The following SLC35D4 variants were observed in gnomAD, a reference collection of about 807,000 sequenced individuals.
SLC35D4 encodes the protein UDP-N-acetylglucosamine transporter SLC35D4.
the SLC35D4 span, among the ~76,000 whole-genome samples, chr18:23,242,266 GAAACTCTGTCTCA>G: frequency 1.3e-5 from 2 of 152,188 alleles, no homozygotes; most frequent in East Asian, 1.9e-4. Context: ...TGACGAGAAT[GAAACTCTGTCTCA>G]AAAAAAAAAT....
At chr18:23,324,032 G>A in the SLC35D4 span, among the ~76,000 whole-genome samples, 2 of 149,736 alleles carry the variant, frequency 1.3e-5, no homozygotes, top group Non-Finnish European at 3.0e-5. Context: ...GCAGTGAACC[G>A]AGATCACACC....
chr18:23,314,291 A>G, the SLC35D4 span, among the ~76,000 whole-genome samples: 1 of 152,224 alleles, frequency 6.6e-6, no homozygotes, highest in Non-Finnish European at 1.5e-5. Flanking sequence ...CTCCACAGTT[A>G]ATCAGTGGAT....
the SLC35D4 span, among the ~76,000 whole-genome samples, chr18:23,268,235 AT>A: frequency 2.6e-5 from 4 of 152,214 alleles, no homozygotes; most frequent in African/African-American, 9.6e-5. Context: ...ACATTCCCAA[AT>A]TGAAACAGTT....
the SLC35D4 span, among the ~76,000 whole-genome samples, chr18:23,351,148 T>G: frequency 4.6e-5 from 7 of 152,210 alleles, no homozygotes; most frequent in Non-Finnish European, 8.8e-5. Context: ...GGCTCACACC[T>G]GTAATCCTAG....
At chr18:23,309,773 T>C in the SLC35D4 span, 3 of 1,605,916 alleles carry the variant, frequency 1.9e-6, no homozygotes, top group Non-Finnish European at 2.6e-6. Context: ...CACAAGGTCA[T>C]CATACCAGCA....
the SLC35D4 span, among the ~76,000 whole-genome samples, chr18:23,282,745 G>C: frequency 6.6e-6 from 1 of 152,146 alleles, no homozygotes; most frequent in Admixed American, 6.5e-5. Flanking sequence ...GGGAGGGCTG[G>C]TTTTGGAAGC....
chr18:23,261,361 C>A, the SLC35D4 span, among the ~76,000 whole-genome samples: 3 of 152,104 alleles, frequency 2.0e-5, no homozygotes, highest in South Asian at 6.2e-4. Context: ...GTGGGGCAGG[C>A]ACAGTGGCTC....
the SLC35D4 span, among the ~76,000 whole-genome samples, chr18:23,342,172 C>A: frequency 3.3e-5 from 5 of 152,184 alleles, no homozygotes; most frequent in Non-Finnish European, 1.5e-5. Context: ...ACCATCACCA[C>A]AATCCAGTTT....
chr18:23,291,112 C>T, the SLC35D4 span, among the ~76,000 whole-genome samples: 2 of 152,204 alleles, frequency 1.3e-5, no homozygotes, highest in East Asian at 1.9e-4. Context: ...TGGCTAAGGG[C>T]TGTGGGTCTT....
At chr18:23,430,742 A>G in the SLC35D4 span, 2 of 1,429,014 alleles carry the variant, frequency 1.4e-6, no homozygotes, top group Non-Finnish European at 2.0e-6. Context: ...CCATATAATC[A>G]AAGACATTTC....
chr18:23,378,260 T>C, the SLC35D4 span, among the ~76,000 whole-genome samples: 1 of 151,638 alleles, frequency 6.6e-6, no homozygotes, highest in Non-Finnish European at 1.5e-5. Context: ...TGGTATTGAA[T>C]TCCTGGCCTC....
chr18:23,398,660 A>C, the SLC35D4 span, among the ~76,000 whole-genome samples: 4 of 152,314 alleles, frequency 2.6e-5, no homozygotes, highest in African/African-American at 9.6e-5. Context: ...TACAGTCCTC[A>C]CTGCTATTTT....
the SLC35D4 span, among the ~76,000 whole-genome samples, chr18:23,342,338 G>A: frequency 2.0e-5 from 3 of 152,040 alleles, no homozygotes; most frequent in African/African-American, 7.2e-5. Flanking sequence ...TTTTGTGACT[G>A]GATTCTTTAG....
chr18:23,348,023 T>G, the SLC35D4 span, among the ~76,000 whole-genome samples: 1 of 152,220 alleles, frequency 6.6e-6, no homozygotes, highest in African/African-American at 2.4e-5. Context: ...ATCTATAAAT[T>G]TTGATATGTT....
chr18:23,308,876 C>CTCTCTCCCTG, the SLC35D4 span, among the ~76,000 whole-genome samples: 1 of 139,986 alleles, frequency 7.1e-6, no homozygotes, highest in Non-Finnish European at 1.5e-5. Flanking sequence ...CTCTCTCTCT[C>CTCTCTCCCTG]TGTGTGTGTG....
At chr18:23,354,580 G>A in the SLC35D4 span, among the ~76,000 whole-genome samples, 2 of 151,712 alleles carry the variant, frequency 1.3e-5, no homozygotes, top group Non-Finnish European at 2.9e-5. Context: ...GCTGAAAAGG[G>A]AGGCAGCAGT....
the SLC35D4 span, among the ~76,000 whole-genome samples, chr18:23,394,441 A>G: frequency 6.6e-6 from 1 of 152,336 alleles, no homozygotes; most frequent in East Asian, 1.9e-4. Context: ...AGTTCTCTAT[A>G]TAGCCTATAA....
chr18:23,408,374 T>C, the SLC35D4 span, among the ~76,000 whole-genome samples: 1 of 152,210 alleles, frequency 6.6e-6, no homozygotes, highest in Non-Finnish European at 1.5e-5. Flanking sequence ...CACTCAAATA[T>C]TTGCAGAATG....
chr18:23,240,643 A>G, the SLC35D4 span, among the ~76,000 whole-genome samples: 1 of 152,210 alleles, frequency 6.6e-6, no homozygotes, highest in Admixed American at 6.5e-5. Flanking sequence ...TCACAGGCCA[A>G]TTATGCAGAG....
Sources: gnomAD v4.1 joint callset for allele counts (sites outside exome capture counted in the v4.1 genomes callset) on GRCh38, gnomAD v4.1.1 for gene constraint, MANE v1.5 for transcripts, NCBI Gene and HGNC (gene_info 2026-07-23, HGNC 2026-07-21) for gene names.